ARHGEF3: variants seen among roughly 807,000 people sequenced by gnomAD.
ARHGEF3 encodes the protein 59.8 kDA protein.
A neutral mutation model predicts 63.2 loss-of-function variants in ARHGEF3; 28 were observed. That is an observed-to-expected ratio of 0.44 (90% confidence interval 0.33 to 0.61). ARHGEF3 has a LOEUF of 0.61. Among genes scored for constraint, ARHGEF3 ranks in the 20% least tolerant of loss-of-function variants. The pLI is 0.03. For synonymous variants in ARHGEF3, 266 were observed against 254.2 expected (o/e 1.05, Z -0.44); for missense variants, 533 against 659.3 (o/e 0.81, Z 2.10).
intron 1 of ARHGEF3, among the ~76,000 whole-genome samples, chr3:56,793,458 C>T (rs753326209): frequency 1.3e-5 from 2 of 152,122 alleles, no homozygotes; most frequent in Admixed American, 1.3e-4. Context: ...CGTGAGCCAC[C>T]GTGCCCAGCA....
At chr3:57,042,164 C>T (rs1704212697) in intron 1 of ARHGEF3, among the ~76,000 whole-genome samples, 1 of 152,148 alleles carries the variant, frequency 6.6e-6, no homozygotes, top group African/African-American at 2.4e-5. Flanking sequence ...ATGAAAAGTT[C>T]CTATGCCCCA....
intron 2 of ARHGEF3, among the ~76,000 whole-genome samples, chr3:56,967,172 T>C (rs1700536529): frequency 6.9e-6 from 1 of 144,874 alleles, no homozygotes; most frequent in African/African-American, 2.5e-5. Context: ...CTTTTTTTTT[T>C]TAAATACAGC....
At chr3:56,977,031 C>T (rs1185860868) in intron 2 of ARHGEF3, among the ~76,000 whole-genome samples, 1 of 151,862 alleles carries the variant, frequency 6.6e-6, no homozygotes, top group Non-Finnish European at 1.5e-5. Flanking sequence ...TGAGGATTAA[C>T]TCATTTAATC....
chr3:56,809,577 G>A (rs1229521032), intron 4 of ARHGEF3, among the ~76,000 whole-genome samples: 1 of 151,954 alleles, frequency 6.6e-6, no homozygotes, highest in Non-Finnish European at 1.5e-5. Flanking sequence ...ACTATCAGCA[G>A]GCTTGTTCTG....
chr3:56,860,677 G>C (rs1484019629), intron 4 of ARHGEF3, among the ~76,000 whole-genome samples: 1 of 152,186 alleles, frequency 6.6e-6, no homozygotes, highest in African/African-American at 2.4e-5. Context: ...ATTTCAGTTG[G>C]AGGTTAGTGA....
rs1052890037 is a variant in ARHGEF3, at chr3:56,931,531, G to A, written c.129+27292C>T. ...GTCAAGGCTGCAGTGAGCCATGATC[G>A]TGCTACTGCACTCCAGCCTGGGTGA... On this transcript the variant is annotated intron_variant, in intron 3 of 12. Coordinates refer to the ARHGEF3 transcript ENST00000338458. Among the ~76,000 whole-genome samples, 6 of 127,282 alleles carry A rather than the reference G, an allele frequency of 4.7e-5. 1 individual carries two copies. The highest frequency in any genetic ancestry group is 4.7e-5 in the Non-Finnish European group (3 of 64,474). The allele number at this position is 127,282 out of a possible 152,430, so 83.5% of individuals were successfully genotyped here.
At chr3:56,909,508 G>T (rs1274855203) in intron 3 of ARHGEF3, among the ~76,000 whole-genome samples, 2 of 152,196 alleles carry the variant, frequency 1.3e-5, no homozygotes, top group African/African-American at 4.8e-5. Flanking sequence ...CATATCAGAA[G>T]ATCACAAGCA....
Position 56,829,511 on chromosome 3 carries a change from G to A in ARHGEF3, c.192+52781C>T, listed in dbSNP as rs747107174. On this transcript the variant is annotated intron_variant, in intron 4 of 12. Coordinates refer to the ARHGEF3 transcript ENST00000338458. ...ATCCCTGCAGCCCTACAGCTGAAACGAGAATCTGCCTACAGTGGAGAAATA... is the reference window on the plus strand; with the variant it reads ...ATCCCTGCAGCCCTACAGCTGAAACAAGAATCTGCCTACAGTGGAGAAATA... Among the ~76,000 whole-genome samples the A allele has an allele frequency of 2.8e-4, 43 of 152,270 alleles. No individual in the cohort carries two copies. The Middle Eastern group carries it at 0.017, about 60-fold the overall frequency.
intron 8 of ARHGEF3, among the ~76,000 whole-genome samples, chr3:56,735,519 T>A (rs536591678): frequency 2.6e-5 from 4 of 152,298 alleles, no homozygotes; most frequent in African/African-American, 9.6e-5. Flanking sequence ...CTAGAGTTTA[T>A]CTTTATGCCT....
At chr3:57,013,949 T>G (rs2107118519) in intron 2 of ARHGEF3, among the ~76,000 whole-genome samples, 1 of 152,340 alleles carries the variant, frequency 6.6e-6, no homozygotes, top group Admixed American at 6.5e-5. Context: ...ATTTCCACTC[T>G]GGGGAAGTTT....
intron 1 of ARHGEF3, among the ~76,000 whole-genome samples, chr3:57,069,839 C>A (rs576298184): frequency 4.4e-4 from 67 of 152,200 alleles, no homozygotes; most frequent in Non-Finnish European, 7.5e-4. Context: ...GAAATAGAGT[C>A]TCGCTTTGCT....
intron 4 of ARHGEF3, among the ~76,000 whole-genome samples, chr3:56,864,459 A>T (rs1255289855): frequency 1.3e-5 from 2 of 152,246 alleles, no homozygotes; most frequent in Non-Finnish European, 2.9e-5. Context: ...TGACTAGGTC[A>T]AGCTCCCTGG....
chr3:56,781,243 C>T (rs2036548888), intron 1 of ARHGEF3, among the ~76,000 whole-genome samples: 1 of 142,928 alleles, frequency 7.0e-6, no homozygotes, highest in Non-Finnish European at 1.5e-5. Flanking sequence ...TTTCTTTTGT[C>T]TTTTTTTTTT....
At chr3:57,075,219 T>A (rs959962010) in intron 1 of ARHGEF3, 5 of 166,928 alleles carry the variant, frequency 3.0e-5, no homozygotes, top group Admixed American at 1.3e-4. Context: ...TGGATCTCCT[T>A]CCCCAGCTTC....
intron 3 of ARHGEF3, among the ~76,000 whole-genome samples, chr3:56,754,669 G>A (rs1162309107): frequency 1.3e-5 from 2 of 152,206 alleles, no homozygotes; most frequent in African/African-American, 4.8e-5. Context: ...TTTTAAAATA[G>A]TCTATAAGTT....
At chr3:57,053,584 A>G (rs1704771755) in intron 1 of ARHGEF3, among the ~76,000 whole-genome samples, 1 of 152,214 alleles carries the variant, frequency 6.6e-6, no homozygotes, top group Non-Finnish European at 1.5e-5. Flanking sequence ...TTATACCCCA[A>G]TGTGATCACC....
chr3:56,852,071 C>T (rs77492209), intron 4 of ARHGEF3, among the ~76,000 whole-genome samples: 1 of 152,136 alleles, frequency 6.6e-6, no homozygotes, highest in African/African-American at 2.4e-5. Context: ...GGGGTGGTCA[C>T]CCCTGAGGAC....
upstream of ARHGEF3, chr3:56,801,986 A>C (rs2107971593): frequency 1.7e-6 from 2 of 1,175,206 alleles, no homozygotes; most frequent in African/African-American, 1.6e-5. Flanking sequence ...CGTGCCAGCC[A>C]CGCCTTGATG....
intron 3 of ARHGEF3, among the ~76,000 whole-genome samples, chr3:56,914,692 T>A (rs2041939667): frequency 1.3e-5 from 2 of 152,164 alleles, no homozygotes; most frequent in Admixed American, 6.5e-5. Context: ...TGACACACGT[T>A]ACAACTTGAA....
Sources: gnomAD v4.1 joint callset for allele counts (sites outside exome capture counted in the v4.1 genomes callset) on GRCh38, gnomAD v4.1.1 for gene constraint, MANE v1.5 for transcripts, NCBI Gene and HGNC (gene_info 2026-07-23, HGNC 2026-07-21) for gene names.